The following SPINK8 variants were observed in gnomAD, a reference collection of about 807,000 sequenced individuals.
SPINK8 encodes serine protease inhibitor Kazal-type 8.
SPINK8 carries 12 observed loss-of-function variants against 14.4 expected under a neutral mutation model. That is an observed-to-expected ratio of 0.83 (90% CI 0.53 to 1.35). The LOEUF (loss-of-function observed/expected upper bound fraction) is 1.35. Among genes scored for constraint, SPINK8 ranks in the 40% most tolerant of loss-of-function variants. SPINK8 has a pLI of 0.00. For synonymous variants in SPINK8, 32 were observed against 37.6 expected (o/e 0.85, Z 0.55); for missense variants, 103 against 117.0 (o/e 0.88, Z 0.55).
At position 48,328,731 on chromosome 3, in the gene SPINK8, G is replaced by A. The variant is rs189370421; in HGVS notation, c.-13-377C>T. Among the ~76,000 whole-genome samples the A allele has an allele frequency of 9.6e-4, 146 of 152,304 alleles. 1 individual carries two copies. Among genetic ancestry groups the A allele is most frequent in the African/African-American group, 3.1e-3 (130 of 41,578 alleles). ...GCAGGAGGATCACTTGAGCCCAGGA[G>A]TTCGAGACCAGCCTGGGCAACATAG... On this transcript the variant is annotated intron_variant, in intron 3 of 7. Transcript: ENST00000434006.
intron 6 of SPINK8, among the ~76,000 whole-genome samples, chr3:48,313,885 A>C (rs941313644): frequency 6.6e-6 from 1 of 152,236 alleles, no homozygotes; most frequent in African/African-American, 2.4e-5. Context: ...AATTCCAGTT[A>C]TGTGAAATAT....
At chr3:48,307,880 C>T (rs2035870469) in intron 7 of SPINK8, among the ~76,000 whole-genome samples, 2 of 148,598 alleles carry the variant, frequency 1.3e-5, no homozygotes, top group Non-Finnish European at 3.0e-5. Context: ...ACTACCTATA[C>T]ATAAGAATAA....
intron 6 of SPINK8, among the ~76,000 whole-genome samples, chr3:48,318,693 A>G (rs2036027761): frequency 6.6e-6 from 1 of 152,246 alleles, no homozygotes; most frequent in African/African-American, 2.4e-5. Flanking sequence ...GATCCTGCCC[A>G]GCCAAATATC....
In SPINK8 at chr3:48,321,042, G is replaced by A; in HGVS notation, c.100C>T (p.Gln34Ter). Reference protein sequence around the residue: ...FPLPMASERGQLDKTIVECLK... With the variant: ...FPLPMASERG ...GTACTCACTATTGTTTTGTCTAGCT[G>A]ACCTCTTTCAGAGGCCATAGGAAGG... The change falls in exon 5 of 8, where the codon CAG becomes TAG. Residue 34 changes from glutamine to a stop codon, truncating the protein, a stop_gained. Coordinates refer to ENST00000434006, the MANE Select transcript of SPINK8 (RefSeq NM_001080525.3). LOFTEE classifies it high-confidence loss of function. 1 of 1,590,396 alleles carries A rather than the reference G, an allele frequency of 6.3e-7. No homozygotes were observed. Among genetic ancestry groups the A allele is most frequent in the Non-Finnish European group, 8.6e-7 (1 of 1,167,318 alleles).
intron 7 of SPINK8, among the ~76,000 whole-genome samples, chr3:48,309,416 A>C (rs144538321): frequency 1.1e-3 from 173 of 152,356 alleles, no homozygotes; most frequent in African/African-American, 4.0e-3. Context: ...AATATCCTAG[A>C]TATTGGAAAT....
intron 4 of SPINK8, among the ~76,000 whole-genome samples, chr3:48,327,790 T>C (rs1287280260): frequency 6.6e-6 from 1 of 152,066 alleles, no homozygotes; most frequent in East Asian, 1.9e-4. Context: ...GCCGTACCAA[T>C]GGAAAGTAAG....
At chr3:48,332,819 T>C (rs1195388221) in intron 1 of SPINK8, among the ~76,000 whole-genome samples, 1 of 152,168 alleles carries the variant, frequency 6.6e-6, no homozygotes, top group Non-Finnish European at 1.5e-5. Context: ...AAAACATCAA[T>C]ATAGCCATCA....
intron 2 of SPINK8, among the ~76,000 whole-genome samples, chr3:48,331,341 C>T (rs1331827017): frequency 6.6e-6 from 1 of 152,160 alleles, no homozygotes; most frequent in Non-Finnish European, 1.5e-5. Flanking sequence ...CTTCTATAAG[C>T]CTTTCTAATG....
chr3:48,314,576 AG>A (rs750321693), intron 6 of SPINK8, among the ~76,000 whole-genome samples: 1 of 152,160 alleles, frequency 6.6e-6, no homozygotes, highest in Admixed American at 6.5e-5. Context: ...CACCATTACC[AG>A]AGAATTGTCA....
chr3:48,319,215 C>T (rs2036035219), intron 6 of SPINK8, among the ~76,000 whole-genome samples: 1 of 152,208 alleles, frequency 6.6e-6, no homozygotes, highest in Admixed American at 6.5e-5. Context: ...GATCTACATG[C>T]TATGGCTGCT....
At chr3:48,315,629 G>C (rs2035977702) in intron 6 of SPINK8, among the ~76,000 whole-genome samples, 1 of 144,314 alleles carries the variant, frequency 6.9e-6, no homozygotes, top group Non-Finnish European at 1.5e-5. Context: ...GCTGAGATAG[G>C]ATAGTTGCTT....
chr3:48,332,089 T>C (rs1210927102), intron 2 of SPINK8, among the ~76,000 whole-genome samples: 1 of 152,224 alleles, frequency 6.6e-6, no homozygotes, highest in Non-Finnish European at 1.5e-5. Context: ...TCGGACAATC[T>C]TTTTTAAAGT....
chr3:48,330,338 G>A (rs1560020330), intron 2 of SPINK8, among the ~76,000 whole-genome samples: 1 of 152,116 alleles, frequency 6.6e-6, no homozygotes. Flanking sequence ...GGCCAACATG[G>A]TGAGACCCTG....
chr3:48,319,515 T>A lies in SPINK8; in HGVS notation c.221A>T (p.His74Leu). Residue 74 changes from histidine (H) to leucine (L), a missense_variant, in exon 6 of 8, where the codon CAT becomes CTT. Physicochemically the swap from His to Leu is moderately conservative, Grantham distance 99 (BLOSUM62 -3). Coordinates refer to ENST00000434006, the MANE Select transcript of SPINK8 (RefSeq NM_001080525.3). ...GACTTACAGAATTTTGGAGCACAGA[T>A]GGCAGTCACTACTGTAGGTAACCTG... is the stretch of plus-strand genomic sequence containing the variant. Reference protein sequence around the residue: ...SDQVTYSSDCHLCSKILFEGL... With the variant: ...SDQVTYSSDCLLCSKILFEGL... 1.2e-6 allele frequency: 2 copies of A among 1,613,994 alleles called. No individual in the cohort carries two copies. Among genetic ancestry groups the A allele is most frequent in the Non-Finnish European group, 1.7e-6 (2 of 1,179,878 alleles).
chr3:48,309,137 A>T (rs1165790982), intron 7 of SPINK8, among the ~76,000 whole-genome samples: 1 of 152,226 alleles, frequency 6.6e-6, no homozygotes, highest in Non-Finnish European at 1.5e-5. Flanking sequence ...GTCAGAAGAC[A>T]TTGTCATAAA....
At position 48,317,465 on chromosome 3, in the gene SPINK8, G is replaced by A. The variant is rs112544193; in HGVS notation, c.239+2032C>T. Among the ~76,000 whole-genome samples, 608 of 152,002 alleles carry A rather than the reference G, an allele frequency of 4.0e-3. 4 individuals are homozygous for A. The highest frequency in any genetic ancestry group is 0.014 in the African/African-American group (564 of 41,444). On this transcript the variant is annotated intron_variant, in intron 6 of 7. Coordinates refer to ENST00000434006, the MANE Select transcript of SPINK8 (RefSeq NM_001080525.3). ...ACCACAGTATTGCACTCCAGCATGC[G>A]CAACAAAAGTGAAACTACATCTCAA...
At chr3:48,312,823 C>A (rs913194154) in intron 6 of SPINK8, among the ~76,000 whole-genome samples, 4 of 151,828 alleles carry the variant, frequency 2.6e-5, no homozygotes, top group Admixed American at 6.6e-5. Flanking sequence ...ATGGTGAAAC[C>A]CCGTCTCCAC....
intron 2 of SPINK8, among the ~76,000 whole-genome samples, chr3:48,331,853 C>G (rs13061269): frequency 6.6e-6 from 1 of 152,058 alleles, no homozygotes. Flanking sequence ...CTGAGAAGGC[C>G]GCGCTAGTGT....
intron 6 of SPINK8, among the ~76,000 whole-genome samples, chr3:48,313,957 G>A (rs1204113436): frequency 6.6e-6 from 1 of 152,178 alleles, no homozygotes; most frequent in African/African-American, 2.4e-5. Flanking sequence ...CTGTGGGGAG[G>A]AGGGAATGGG....
Sources: gnomAD v4.1 joint callset for allele counts (sites outside exome capture counted in the v4.1 genomes callset) on GRCh38, gnomAD v4.1.1 for gene constraint, MANE v1.5 for transcripts, NCBI Gene and HGNC (gene_info 2026-07-23, HGNC 2026-07-21) for gene names.